The following LEPR variants were observed in gnomAD, a reference collection of about 807,000 sequenced individuals.
The protein encoded by LEPR is OB receptor.
A neutral mutation model predicts 114.7 loss-of-function variants in LEPR; 56 were observed. The observed-to-expected ratio is 0.49, with a 90% CI of 0.39 to 0.61. The LOEUF is 0.61. Ranked by LOEUF, LEPR falls within the 20% of genes least tolerant of loss-of-function variation. The probability of loss-of-function intolerance (pLI) is 0.00; values close to 1 mark genes in which losing one functional copy is unlikely to be tolerated. For synonymous variants in LEPR, 443 were observed against 461.4 expected, an observed-to-expected ratio of 0.96 and a Z score of 0.51; for missense variants, 1,202 against 1,352.9, an observed-to-expected ratio of 0.89 and a Z score of 1.75.
chr1:65,635,831 C>A (rs941287987), intron 19 of LEPR, among the ~76,000 whole-genome samples: 2 of 151,998 alleles, frequency 1.3e-5, no homozygotes, highest in Non-Finnish European at 2.9e-5. Flanking sequence ...ATGACAGTAA[C>A]CAATCTTTCC....
intron 2 of LEPR, among the ~76,000 whole-genome samples, chr1:65,436,691 C>G (rs1646567810): frequency 1.3e-5 from 2 of 152,036 alleles, no homozygotes; most frequent in Non-Finnish European, 2.9e-5. Context: ...TGGAGAAGAG[C>G]ACACTTGGAG....
intron 17 of LEPR, among the ~76,000 whole-genome samples, chr1:65,620,703 C>T (rs1657827961): frequency 6.6e-6 from 1 of 152,146 alleles, no homozygotes; most frequent in African/African-American, 2.4e-5. Flanking sequence ...TTCTTGGAAA[C>T]TGCAACTTTA....
chr1:65,433,195 G>T (rs1160505332), intron 2 of LEPR: 2 of 984,792 alleles, frequency 2.0e-6, no homozygotes, highest in South Asian at 4.7e-5. Flanking sequence ...CAACAGTTCT[G>T]GTTTGCCCTG....
At chr1:65,547,001 G>A (rs1570658409) in intron 2 of LEPR, among the ~76,000 whole-genome samples, 2 of 152,260 alleles carry the variant, frequency 1.3e-5, no homozygotes, top group South Asian at 2.1e-4. Context: ...AATTTATTGA[G>A]AGTTTTTAGC....
At chr1:65,566,133 A>T (rs1653735114) in intron 3 of LEPR, among the ~76,000 whole-genome samples, 2 of 152,152 alleles carry the variant, frequency 1.3e-5, no homozygotes, top group African/African-American at 4.8e-5. Flanking sequence ...TTTTTCTGTA[A>T]CAAATAATAC....
At chr1:65,499,446 A>T (rs975892673) in intron 2 of LEPR, among the ~76,000 whole-genome samples, 1 of 152,164 alleles carries the variant, frequency 6.6e-6, no homozygotes, top group Non-Finnish European at 1.5e-5. Flanking sequence ...CAAATCGATG[A>T]GGCAGGAGCC....
intron 5 of LEPR, among the ~76,000 whole-genome samples, chr1:65,580,880 C>T (rs1654936221): frequency 6.6e-6 from 1 of 152,098 alleles, no homozygotes; most frequent in African/African-American, 2.4e-5. Flanking sequence ...GCACAGATAC[C>T]ACATGGCAGG....
chr1:65,601,220 C>G (rs1656418660), intron 8 of LEPR, among the ~76,000 whole-genome samples, 172 bp from the exon 9 acceptor site: 1 of 151,986 alleles, frequency 6.6e-6, no homozygotes, highest in African/African-American at 2.4e-5. Flanking sequence ...ACTCGGGACA[C>G]TAGATAACTG....
intron 2 of LEPR, among the ~76,000 whole-genome samples, chr1:65,497,877 A>G (rs1468767293): frequency 6.6e-6 from 1 of 152,172 alleles, no homozygotes; most frequent in Non-Finnish European, 1.5e-5. Flanking sequence ...AAAAAAATTC[A>G]AGTTAAATCA....
At chr1:65,587,683 G>T (rs1655404090) in intron 5 of LEPR, among the ~76,000 whole-genome samples, 1 of 151,968 alleles carries the variant, frequency 6.6e-6, no homozygotes, top group Non-Finnish European at 1.5e-5. Context: ...CCCCTATACA[G>T]TTCCCAGTAG....
chr1:65,614,794 A>G (rs1376909790), intron 14 of LEPR, among the ~76,000 whole-genome samples: 1 of 152,190 alleles, frequency 6.6e-6, no homozygotes, highest in Non-Finnish European at 1.5e-5. Flanking sequence ...TTTGTAAGGT[A>G]AGAGGGCCTA....
rs200160154 is a variant in LEPR, at chr1:65,618,029, C to G, written c.2278C>G (p.Leu760Val). 6.8e-6 allele frequency: 11 copies of G among 1,613,012 alleles called. No individual in the cohort carries two copies. Among genetic ancestry groups the G allele is most frequent in the Non-Finnish European group, 9.3e-6 (11 of 1,179,520 alleles). ...NSSCVIVSWI[L>V]SPSDYKLMYF... ...CAGTTGTGTGATTGTTTCCTGGATA[C>G]TATCACCCAGTGATTACAAGCTAAT... Residue 760 changes from leucine to valine, a missense_variant, in exon 16 of 20, where the codon CTA becomes GTA. By Grantham distance (32) the Leu-to-Val change is conservative. Transcript: ENST00000349533.
intron 2 of LEPR, among the ~76,000 whole-genome samples, chr1:65,543,211 A>G (rs1208475358): frequency 6.6e-6 from 1 of 152,032 alleles, no homozygotes; most frequent in Non-Finnish European, 1.5e-5. Context: ...TCAAATGACC[A>G]GTGATGATGA....
chr1:65,544,752 G>T (rs1651528707), intron 2 of LEPR, among the ~76,000 whole-genome samples: 1 of 150,670 alleles, frequency 6.6e-6, no homozygotes, highest in Non-Finnish European at 1.5e-5. Context: ...CTTAAAACGG[G>T]GTGAAATTTT....
chr1:65,592,826 T>C lies in LEPR; in HGVS notation c.664T>C (p.Phe222Leu). Residue 222 changes from phenylalanine to leucine, a missense_variant, in exon 6 of 20, where the codon TTC becomes CTC. Physicochemically the swap from Phe to Leu is conservative, Grantham distance 22. Transcript: ENST00000349533. ...GAAAATCACATCTGGTGGAGTAATT[T>C]TCCAGTCACCTCTAATGTCAGTTCA... ...CLKITSGGVI[F>L]QSPLMSVQPI... is the part of the protein sequence containing the mutation. 6.2e-7 allele frequency: 1 copy of C among 1,613,300 alleles called. No homozygotes were observed. Among genetic ancestry groups the C allele is most frequent in the Non-Finnish European group, 8.5e-7 (1 of 1,179,408 alleles).
At chr1:65,615,620 T>A (rs1475268132) in intron 14 of LEPR, among the ~76,000 whole-genome samples, 1 of 152,202 alleles carries the variant, frequency 6.6e-6, no homozygotes, top group Non-Finnish European at 1.5e-5. Flanking sequence ...GGTTATTCCT[T>A]GTTTGCTTTT....
chr1:65,453,495 G>T (rs1309510306), intron 2 of LEPR, among the ~76,000 whole-genome samples: 1 of 151,868 alleles, frequency 6.6e-6, no homozygotes. Context: ...GTTCTCGTTG[G>T]TTTCAAAGAA....
At chr1:65,634,798 T>A in intron 19 of LEPR, 2 of 896,750 alleles carry the variant, frequency 2.2e-6, no homozygotes, top group Non-Finnish European at 2.7e-6. Context: ...GTTCAGTGCA[T>A]ATATAGTAGA....
intron 2 of LEPR, among the ~76,000 whole-genome samples, chr1:65,510,289 T>C (rs546046272): frequency 6.6e-6 from 1 of 152,320 alleles, no homozygotes; most frequent in African/African-American, 2.4e-5. Flanking sequence ...TTGGGTGGGA[T>C]TCTATAGGGT....
Sources: allele counts gnomAD v4.1 joint callset (sites outside exome capture counted in the v4.1 genomes callset), GRCh38; gene constraint gnomAD v4.1.1; transcripts MANE v1.5; gene names NCBI Gene and HGNC (gene_info 2026-07-23, HGNC 2026-07-21).